The following KLF2 variants were observed in gnomAD, a reference collection of about 807,000 sequenced individuals.
KLF2 encodes Krueppel-like factor 2.
A neutral mutation model predicts 22.2 loss-of-function variants in KLF2; 9 were observed. That is an observed-to-expected ratio of 0.40 (90% CI 0.24 to 0.71). The LOEUF (loss-of-function observed/expected upper bound fraction) is 0.71. Among genes scored for constraint, KLF2 ranks in the 30% least tolerant of loss-of-function variants. The pLI is 0.35. For missense variants in KLF2, 481 were observed against 542.1 expected (o/e 0.89, Z 1.12); for synonymous variants, 299 against 264.2 (o/e 1.13, Z -1.28).
In KLF2 at chr19:16,324,849, C is replaced by G; in HGVS notation, c.-75C>G. The G allele has an allele frequency of 7.7e-7, 1 of 1,303,966 alleles. No homozygotes were observed. 80.8% of individuals were successfully genotyped at this position (1,303,966 alleles called of 1,614,324 possible). On this transcript the variant is annotated 5_prime_UTR_variant, in exon 1 of 3. Transcript: ENST00000248071. The stretch of plus-strand genomic sequence containing the variant: ...CCACAGAGCCGTCCCCGCCCGCCCG[C>G]GCCCCGACCAGCCCGGCCTCGGGCA...
chr19:16,328,456 T>A lies in KLF2; in HGVS notation c.*1425T>A, dbSNP rs1173861628. On this transcript the variant is annotated 3_prime_UTR_variant, in exon 3 of 3. Transcript: ENST00000248071. Reference sequence around the variant, plus strand: ...CCCGGGTAACCATGACCACCAACCATTGCACAAGTTTCCAGAAAGTGAAAA... The same window carrying A: ...CCCGGGTAACCATGACCACCAACCAATGCACAAGTTTCCAGAAAGTGAAAA... Among the ~76,000 whole-genome samples, 1 of 151,992 alleles carries A rather than the reference T, an allele frequency of 6.6e-6. No individual in the cohort carries two copies. The highest frequency in any genetic ancestry group is 2.4e-5 in the African/African-American group (1 of 41,378).
intron 1 of KLF2, 32 bp from the exon 2 acceptor site, chr19:16,325,184 C>A (rs1204372898): frequency 6.9e-7 from 1 of 1,455,790 alleles, no homozygotes; most frequent in Non-Finnish European, 9.1e-7. Context: ...AGCCCCGCCG[C>A]CCGCTCACGC....
Position 16,327,267 on chromosome 19 carries a change from A to C in KLF2, c.*236A>C. The stretch of plus-strand genomic sequence containing the variant: ...TCCTCCTTGACGAGTTTTGTTTTTC[A>C]AAATGGTGCAATAATTTAAGTGGCA... On this transcript the variant is annotated 3_prime_UTR_variant, in exon 3 of 3. Transcript: ENST00000248071. 2 of 469,034 alleles carry C rather than the reference A, an allele frequency of 4.3e-6. No homozygotes were observed. The highest frequency in any genetic ancestry group is 6.3e-5 in the South Asian group (2 of 31,538). The allele number at this position is 469,034 out of a possible 1,614,324, so 29.1% of individuals were successfully genotyped here. A position where few individuals can be genotyped will look rare whatever the true frequency, so the allele number is the denominator to read the frequency against.
At position 16,325,980 on chromosome 19, in the gene KLF2, C is replaced by G; in HGVS notation, c.840C>G (p.Gly280=). The change falls in exon 2 of 3, where the codon GGC becomes GGG. Residue 280 remains glycine (G), a synonymous_variant. Transcript: ENST00000248071. The stretch of plus-strand genomic sequence containing the variant: ...ACACCTGCAGCTACGCGGGCTGCGG[C>G]AAGACCTACACCAAGAGTTCGCATC... ...ATHTCSYAGC[G]KTYTKSSHLK... 2 of 1,552,272 alleles carry G rather than the reference C, an allele frequency of 1.3e-6. No individual in the cohort carries two copies. The highest frequency in any genetic ancestry group is 3.4e-4 in the Middle Eastern group (2 of 5,906).
Position 16,325,839 on chromosome 19 carries a change from C to T in KLF2, c.699C>T (p.Gly233=), listed in dbSNP as rs1045594600. ...DDAAAAAAAL[G]LAPPAARGLL... is the part of the protein sequence containing the mutation. ...CGGCCGCCGCCGCGGCAGCCCTGGG[C>T]CTGGCGCCCCCCGCCGCCCGCGGTC... The change falls in exon 2 of 3, where the codon GGC becomes GGT. Residue 233 remains glycine, a synonymous_variant. Coordinates refer to ENST00000248071, the MANE Select transcript of KLF2 (RefSeq NM_016270.4). The T allele has an allele frequency of 2.8e-6, 4 of 1,413,252 alleles. No homozygotes were observed. The African/African-American group carries it at 6.1e-5, about 21-fold the overall frequency. 87.5% of individuals were successfully genotyped at this position (1,413,252 alleles called of 1,614,324 possible).
At position 16,326,726 on chromosome 19, in the gene KLF2, T is replaced by C. The variant is rs1392649721; in HGVS notation, c.893-130T>C. ...GTTGGGGATGTAGGGCAAGGATCCCTCAGGGGCGCAACACTACCGCGGGGA... is the reference window on the plus strand; with the variant it reads ...GTTGGGGATGTAGGGCAAGGATCCCCCAGGGGCGCAACACTACCGCGGGGA... On this transcript the variant is annotated intron_variant, in intron 2 of 2. Coordinates refer to ENST00000248071, the MANE Select transcript of KLF2 (RefSeq NM_016270.4). 12 of 899,604 alleles carry C rather than the reference T, an allele frequency of 1.3e-5. No homozygotes were observed. The East Asian group carries it at 3.2e-4, about 24-fold the overall frequency. The allele number at this position is 899,604 out of a possible 1,614,324, so 55.7% of individuals were successfully genotyped here. A position where few individuals can be genotyped will look rare whatever the true frequency, so the allele number is the denominator to read the frequency against.
chr19:16,325,030 G>C (rs751659980), intron 1 of KLF2, 32 bp downstream of exon 1: 1 of 1,533,754 alleles, frequency 6.5e-7, no homozygotes, highest in South Asian at 1.2e-5. Context: ...GGGCGGCCGG[G>C]ACCGTGGGCG....
intron 1 of KLF2, 51 bp downstream of exon 1, chr19:16,325,049 G>C: frequency 6.7e-7 from 1 of 1,484,642 alleles, no homozygotes; most frequent in Non-Finnish European, 9.1e-7. Context: ...CGGCGGGCTC[G>C]GGGTAGTAGA....
At chr19:16,326,066 G>C (rs1173933587) in intron 2 of KLF2, 34 bp downstream of exon 2, 1 of 1,523,842 alleles carries the variant, frequency 6.6e-7, no homozygotes, top group Non-Finnish European at 8.8e-7. Flanking sequence ...AGCGCAGGCG[G>C]GGGGACGCGG....
intron 2 of KLF2, 49 bp downstream of exon 2, chr19:16,326,081 A>G: frequency 6.6e-7 from 1 of 1,505,982 alleles, no homozygotes; most frequent in East Asian, 2.6e-5. Context: ...ACGCGGGAGG[A>G]GAGGTCGGAT....
chr19:16,325,766 T>A lies in KLF2; in HGVS notation c.626T>A (p.Leu209Gln). The change falls in exon 2 of 3, where the codon CTG becomes CAG. Residue 209 changes from leucine (L) to glutamine (Q), a missense_variant. Coordinates refer to ENST00000248071, the MANE Select transcript of KLF2 (RefSeq NM_016270.4). ...GPGFGAPGPG[L>Q]HYAPPAPPAF... Reference sequence around the variant, plus strand: ...GGTTTCGGCGCGCCCGGGCCCGGCCTGCATTACGCGCCGCCTGCGCCCCCA... The same window carrying A: ...GGTTTCGGCGCGCCCGGGCCCGGCCAGCATTACGCGCCGCCTGCGCCCCCA... The A allele has an allele frequency of 7.9e-7, 1 of 1,273,196 alleles. No homozygotes were observed. The highest frequency in any genetic ancestry group is 9.9e-7 in the Non-Finnish European group (1 of 1,014,586). 78.9% of individuals were successfully genotyped at this position (1,273,196 alleles called of 1,614,324 possible).
Position 16,327,251 on chromosome 19 carries a change from A to G in KLF2, c.*220A>G. 2 of 481,842 alleles carry G rather than the reference A, an allele frequency of 4.2e-6. No homozygotes were observed. Among genetic ancestry groups the G allele is most frequent in the South Asian group, 6.2e-5 (2 of 32,074 alleles). The allele number at this position is 481,842 out of a possible 1,614,324, so 29.8% of individuals were successfully genotyped here. A position where few individuals can be genotyped will look rare whatever the true frequency, so the allele number is the denominator to read the frequency against. The stretch of plus-strand genomic sequence containing the variant: ...TGGGAAAAGACCACGATCCTCCTTG[A>G]CGAGTTTTGTTTTTCAAAATGGTGC... On this transcript the variant is annotated 3_prime_UTR_variant, in exon 3 of 3. Transcript: ENST00000248071.
chr19:16,325,028 G>C, intron 1 of KLF2, 30 bp downstream of exon 1: 1 of 1,537,328 alleles, frequency 6.5e-7, no homozygotes. Context: ...CGGGGCGGCC[G>C]GGACCGTGGG....
chr19:16,325,410 C>G lies in KLF2; in HGVS notation c.270C>G (p.Gly90=), dbSNP rs1225381997. The change falls in exon 2 of 3, where the codon GGC becomes GGG. Residue 90 remains glycine, a synonymous_variant. Transcript: ENST00000248071. ...APPPYSAPAG[G]LVSELLRPEL... Reference sequence around the variant, plus strand: ...CGCCCTACAGCGCCCCCGCGGGTGGCCTGGTGTCTGAGCTGCTGCGACCCG... The same window carrying G: ...CGCCCTACAGCGCCCCCGCGGGTGGGCTGGTGTCTGAGCTGCTGCGACCCG... 46 of 1,428,554 alleles carry G rather than the reference C, an allele frequency of 3.2e-5. No homozygotes were observed. Among genetic ancestry groups the G allele is most frequent in the Non-Finnish European group, 4.1e-5 (45 of 1,102,538 alleles). 88.5% of individuals were successfully genotyped at this position (1,428,554 alleles called of 1,614,324 possible). A position where few individuals can be genotyped will look rare whatever the true frequency, so the allele number is the denominator to read the frequency against.
At position 16,328,144 on chromosome 19, in the gene KLF2, C is replaced by T. The variant is rs1257177997; in HGVS notation, c.*1113C>T. On this transcript the variant is annotated 3_prime_UTR_variant, in exon 3 of 3. Coordinates refer to ENST00000248071, the MANE Select transcript of KLF2 (RefSeq NM_016270.4). ...AGGGTGGTGGAGTTGGGTTGTTAGC[C>T]TGCTCTGTCTGCCTCCAAGGGTCCC... Among the ~76,000 whole-genome samples the T allele has an allele frequency of 2.0e-5, 3 of 152,110 alleles. No individual in the cohort carries two copies. Among genetic ancestry groups the T allele is most frequent in the Admixed American group, 6.6e-5 (1 of 15,238 alleles).
At chr19:16,326,080 G>A in intron 2 of KLF2, 48 bp downstream of exon 2, 1 of 1,508,238 alleles carries the variant, frequency 6.6e-7, no homozygotes. Flanking sequence ...GACGCGGGAG[G>A]AGAGGTCGGA....
In KLF2 at chr19:16,328,352, C is replaced by T. The variant is rs757953141; in HGVS notation, c.*1321C>T. On this transcript the variant is annotated 3_prime_UTR_variant, in exon 3 of 3. Transcript: ENST00000248071. ...CAGAGGAGACCCCTAAATCCCACCA[C>T]CCCAAGTGTCTCAGGCAAGGAGGTA... is the stretch of plus-strand genomic sequence containing the variant. Among the ~76,000 whole-genome samples the T allele has an allele frequency of 6.6e-6, 1 of 152,100 alleles. No homozygotes were observed. The highest frequency in any genetic ancestry group is 1.5e-5 in the Non-Finnish European group (1 of 68,020).
Position 16,325,274 on chromosome 19 carries a change from TG to T in KLF2, c.136del (p.Asp46ThrfsTer95). The T allele has an allele frequency of 6.5e-7, 1 of 1,542,146 alleles. No homozygotes were observed. The highest frequency in any genetic ancestry group is 8.7e-7 in the Non-Finnish European group (1 of 1,149,150). Reference protein sequence around the residue: ...GGTDDDLNSVLDFILSMGLDG... With the variant: ...GGTDDDLNSVXDFILSMGLDG... ...ACCGACGACGACCTCAACAGCGTGCTGGACTTCATCCTGTCCATGGGGCTGG... is the reference window on the plus strand; with the variant it reads ...ACCGACGACGACCTCAACAGCGTGCTGACTTCATCCTGTCCATGGGGCTGG... On this transcript the variant is annotated frameshift_variant, in exon 2 of 3. Coordinates refer to ENST00000248071, the MANE Select transcript of KLF2 (RefSeq NM_016270.4). LOFTEE classifies it high-confidence loss of function.
intron 2 of KLF2, 34 bp from the exon 3 acceptor site, chr19:16,326,822 G>A (rs200733280): frequency 1.9e-6 from 3 of 1,589,842 alleles, no homozygotes; most frequent in East Asian, 2.2e-5. Flanking sequence ...TCCTGGGAGG[G>A]GAACTGACGC....
Sources: gnomAD v4.1 joint callset for allele counts (sites outside exome capture counted in the v4.1 genomes callset) on GRCh38, gnomAD v4.1.1 for gene constraint, MANE v1.5 for transcripts, NCBI Gene and HGNC (gene_info 2026-07-23, HGNC 2026-07-21) for gene names.